Variants in GPHN observed in about 807,000 individuals in gnomAD.
GPHN encodes gephyrin.
In GPHN, 17 loss-of-function variants were observed where a neutral mutation model predicts 95.5. That is an observed-to-expected ratio of 0.18 (90% confidence interval 0.12 to 0.27). The LOEUF (loss-of-function observed/expected upper bound fraction) is 0.27. Among genes scored for constraint, GPHN ranks in the 10% least tolerant of loss-of-function variants. GPHN has a pLI of 1.00. For synonymous variants in GPHN, 320 were observed against 322.5 expected, an observed-to-expected ratio of 0.99 and a Z score of 0.08; for missense variants, 660 against 978.1, an observed-to-expected ratio of 0.67 and a Z score of 4.34.
At chr14:66,835,234 G>T (rs1408597003) in intron 4 of GPHN, among the ~76,000 whole-genome samples, 3 of 146,518 alleles carry the variant, frequency 2.0e-5, no homozygotes, top group Non-Finnish European at 3.0e-5. Context: ...TTTTTGAAGG[G>T]TTTTTTGTGT....
intron 3 of GPHN, among the ~76,000 whole-genome samples, chr14:66,808,276 G>C (rs1316494820): frequency 1.3e-5 from 2 of 152,048 alleles, no homozygotes; most frequent in Non-Finnish European, 2.9e-5. Context: ...ATAAATTTTA[G>C]ATATGAATCC....
At chr14:67,148,558 C>T (rs866386632) in intron 18 of GPHN, among the ~76,000 whole-genome samples, 1,679 of 109,014 alleles carry the variant, frequency 0.015, 20 homozygotes, top group Middle Eastern at 0.024. Context: ...ACTTTATTTG[C>T]TTTTTTTTTT....
intron 1 of GPHN, among the ~76,000 whole-genome samples, chr14:66,665,027 G>T (rs895802129): frequency 2.7e-5 from 4 of 149,386 alleles, no homozygotes; most frequent in African/African-American, 9.9e-5. Flanking sequence ...GGACCAGACG[G>T]CTTCACAGCT....
intron 11 of GPHN, among the ~76,000 whole-genome samples, chr14:67,065,388 G>T (rs1248098769): frequency 6.6e-6 from 1 of 152,188 alleles, no homozygotes; most frequent in Admixed American, 6.5e-5. Context: ...GCAATGTGGT[G>T]CTGAGAAGAC....
intron 1 of GPHN, among the ~76,000 whole-genome samples, chr14:66,664,075 C>T (rs1177392594): frequency 6.6e-6 from 1 of 152,106 alleles, no homozygotes; most frequent in Non-Finnish European, 1.5e-5. Flanking sequence ...CAGACTGAGA[C>T]AGAAAATTAA....
the GPHN span, among the ~76,000 whole-genome samples, chr14:67,491,920 T>A: frequency 6.6e-6 from 1 of 152,086 alleles, no homozygotes. Context: ...ATGGGGAAGG[T>A]GCATGGAGAT....
At chr14:67,053,124 A>G (rs1261413089) in intron 10 of GPHN, among the ~76,000 whole-genome samples, 7 of 149,374 alleles carry the variant, frequency 4.7e-5, no homozygotes, top group Non-Finnish European at 7.4e-5. Context: ...ACTGAAGGAG[A>G]TAGAGACACG....
At chr14:67,710,256 A>C in the GPHN span, among the ~76,000 whole-genome samples, 1 of 152,180 alleles carries the variant, frequency 6.6e-6, no homozygotes, top group Non-Finnish European at 1.5e-5. Context: ...AAACTTTCTA[A>C]ATTAACTGAG....
chr14:66,947,042 C>T (rs2067799597), intron 8 of GPHN, among the ~76,000 whole-genome samples: 1 of 152,194 alleles, frequency 6.6e-6, no homozygotes, highest in South Asian at 2.1e-4. Context: ...TCAATGGATT[C>T]TTATCACATT....
At chr14:66,798,196 T>C (rs745791002) in intron 3 of GPHN, among the ~76,000 whole-genome samples, 3 of 151,984 alleles carry the variant, frequency 2.0e-5, no homozygotes, top group Non-Finnish European at 2.9e-5. Context: ...GTGAATGATC[T>C]TTCTGATGTA....
chr14:67,673,588 T>C, the GPHN span, among the ~76,000 whole-genome samples: 1 of 152,176 alleles, frequency 6.6e-6, no homozygotes, highest in African/African-American at 2.4e-5. Context: ...AAATATATAT[T>C]AAATACATGA....
At chr14:66,666,971 C>G (rs957810260) in intron 1 of GPHN, among the ~76,000 whole-genome samples, 3 of 152,162 alleles carry the variant, frequency 2.0e-5, no homozygotes, top group African/African-American at 7.2e-5. Context: ...GTAAAAATCA[C>G]TAGCATTCCT....
At chr14:67,086,668 G>GTT (rs2076904436) in intron 11 of GPHN, among the ~76,000 whole-genome samples, 1 of 133,746 alleles carries the variant, frequency 7.5e-6, no homozygotes, top group Non-Finnish European at 1.6e-5. Context: ...AAAAAAAAAA[G>GTT]TTCTAAAATC....
intron 9 of GPHN, among the ~76,000 whole-genome samples, chr14:66,995,787 A>G (rs2071741821): frequency 6.6e-6 from 1 of 152,280 alleles, no homozygotes; most frequent in African/African-American, 2.4e-5. Flanking sequence ...AATACTGTGA[A>G]CGTGTATGGT....
the GPHN span, among the ~76,000 whole-genome samples, chr14:67,293,295 T>C: frequency 6.6e-6 from 1 of 152,286 alleles, no homozygotes; most frequent in African/African-American, 2.4e-5. Context: ...AAATTTAAGA[T>C]TTAAAAAGGG....
intron 11 of GPHN, among the ~76,000 whole-genome samples, chr14:67,086,640 A>G (rs1318784178): frequency 2.9e-5 from 4 of 138,890 alleles, no homozygotes; most frequent in African/African-American, 5.4e-5. Flanking sequence ...CGACAGCGAG[A>G]CTCTGTCTCA....
At chr14:66,933,600 TTAA>T (rs918248332) in intron 8 of GPHN, among the ~76,000 whole-genome samples, 5 of 152,190 alleles carry the variant, frequency 3.3e-5, no homozygotes, top group African/African-American at 9.6e-5. Flanking sequence ...ACCTCACCAC[TTAA>T]TAATTCGGAC....
intron 4 of GPHN, among the ~76,000 whole-genome samples, chr14:66,863,653 A>C (rs2153522691): frequency 6.6e-6 from 1 of 152,210 alleles, no homozygotes; most frequent in East Asian, 1.9e-4. Flanking sequence ...AGAGAATCTA[A>C]AAATAAATTT....
intron 12 of GPHN, among the ~76,000 whole-genome samples, chr14:67,092,008 A>G (rs1189760120): frequency 6.6e-6 from 1 of 152,094 alleles, no homozygotes; most frequent in Non-Finnish European, 1.5e-5. Context: ...ATCATTGCAT[A>G]AATGGTTAAA....
Sources: gnomAD v4.1 joint callset for allele counts (sites outside exome capture counted in the v4.1 genomes callset) on GRCh38, gnomAD v4.1.1 for gene constraint, MANE v1.5 for transcripts, NCBI Gene and HGNC (gene_info 2026-07-23, HGNC 2026-07-21) for gene names.